CMIP: variants seen among roughly 807,000 people sequenced by gnomAD.
CMIP encodes c-Maf inducing protein.
Under a neutral mutation model 97.3 loss-of-function variants are expected in CMIP, and 13 were observed. The ratio of observed to expected loss-of-function variants is 0.13; its 90% CI spans 0.09 to 0.21. CMIP has a LOEUF of 0.21. Ranked by LOEUF, CMIP falls within the 10% of genes least tolerant of loss-of-function variation. CMIP has a pLI of 1.00. For synonymous variants in CMIP, 538 were observed against 436.3 expected, an observed-to-expected ratio of 1.23 and a Z score of -2.91; for missense variants, 847 against 1,024.9, an observed-to-expected ratio of 0.83 and a Z score of 2.37.
chr16:81,571,626 G>GA (rs1243225052), intron 1 of CMIP, among the ~76,000 whole-genome samples: 7 of 139,210 alleles, frequency 5.0e-5, no homozygotes, highest in South Asian at 2.3e-4. Flanking sequence ...GAAAAGAAAA[G>GA]AAAAAAAAGG....
intron 1 of CMIP, among the ~76,000 whole-genome samples, chr16:81,504,647 A>AAC (rs2089673054): frequency 6.8e-6 from 1 of 147,018 alleles, no homozygotes; most frequent in Non-Finnish European, 1.5e-5. Context: ...GTCTCAAAAA[A>AAC]AAAAAAAAAA....
chr16:81,676,817 C>T (rs906230905), intron 9 of CMIP, among the ~76,000 whole-genome samples: 7 of 152,302 alleles, frequency 4.6e-5, no homozygotes, highest in South Asian at 2.1e-4. Context: ...CCACCCCTTC[C>T]CCCAGCTGCA....
intron 1 of CMIP, among the ~76,000 whole-genome samples, chr16:81,578,492 T>A (rs774406380): frequency 1.3e-5 from 2 of 152,192 alleles, no homozygotes; most frequent in Non-Finnish European, 2.9e-5. Flanking sequence ...GTTCTCCAGA[T>A]GTTTTGTGTC....
intron 1 of CMIP, among the ~76,000 whole-genome samples, chr16:81,517,177 G>A (rs2089932692): frequency 6.7e-6 from 1 of 150,370 alleles, no homozygotes; most frequent in Non-Finnish European, 1.5e-5. Context: ...GGCCTCCAAG[G>A]TCATCAGTGA....
chr16:81,532,368 T>C (rs2090255015), intron 1 of CMIP, among the ~76,000 whole-genome samples: 1 of 152,256 alleles, frequency 6.6e-6, no homozygotes, highest in Non-Finnish European at 1.5e-5. Context: ...GATATAATTG[T>C]CTTTTAGAAG....
At chr16:81,568,382 C>T (rs979689867) in intron 1 of CMIP, among the ~76,000 whole-genome samples, 2 of 152,174 alleles carry the variant, frequency 1.3e-5, no homozygotes, top group Non-Finnish European at 2.9e-5. Context: ...GCTGTGCCCC[C>T]AACCCCCATG....
chr16:81,596,848 A>C (rs930864224), intron 1 of CMIP, among the ~76,000 whole-genome samples: 2 of 152,170 alleles, frequency 1.3e-5, no homozygotes, highest in Non-Finnish European at 2.9e-5. Flanking sequence ...TTCCCACAGC[A>C]CAGACTCAGG....
intron 1 of CMIP, among the ~76,000 whole-genome samples, chr16:81,510,721 T>C (rs1191980233): frequency 6.6e-6 from 1 of 152,178 alleles, no homozygotes; most frequent in Non-Finnish European, 1.5e-5. Context: ...TATTTTGTTT[T>C]GTTTTGTTTT....
chr16:81,460,917 G>C (rs1197584864), intron 1 of CMIP, among the ~76,000 whole-genome samples: 1 of 152,218 alleles, frequency 6.6e-6, no homozygotes, highest in Non-Finnish European at 1.5e-5. Context: ...TTGATGCCCT[G>C]TTGTATGTGA....
In CMIP at chr16:81,703,908, A is replaced by C. The variant is rs1030982176; in HGVS notation, c.1945-31A>C. On this transcript the variant is annotated intron_variant, in intron 17 of 20. Coordinates refer to ENST00000537098, the MANE Select transcript of CMIP (RefSeq NM_198390.3). The stretch of plus-strand genomic sequence containing the variant: ...CAGGGTCTCGGGAACTCCCAGCAGC[A>C]CCCTCAGGCCTCTCCCCCGTCTGCC... 2.5e-6 allele frequency: 4 copies of C among 1,577,346 alleles called. No homozygotes were observed. In the African/African-American group the frequency reaches 5.4e-5, roughly 21 times the overall value.
chr16:81,495,945 C>A (rs544546018), intron 1 of CMIP, among the ~76,000 whole-genome samples: 28 of 152,334 alleles, frequency 1.8e-4, no homozygotes, highest in African/African-American at 6.7e-4. Flanking sequence ...CCAGCTCCCC[C>A]AGCTCCGAGA....
intron 6 of CMIP, 54 bp from the exon 7 acceptor site, chr16:81,664,215 C>T: frequency 6.6e-7 from 1 of 1,519,552 alleles, no homozygotes; most frequent in Non-Finnish European, 8.9e-7. Context: ...CAGCCACGGG[C>T]TGTGTTCAGA....
At chr16:81,608,152 T>C (rs1012513932) in intron 2 of CMIP, among the ~76,000 whole-genome samples, 4 of 152,168 alleles carry the variant, frequency 2.6e-5, no homozygotes, top group Admixed American at 2.6e-4. Context: ...AGCTATCTTT[T>C]TGGGAAAAAA....
At chr16:81,645,348 G>A (rs1597188236) in intron 3 of CMIP, 7 of 1,410,176 alleles carry the variant, frequency 5.0e-6, no homozygotes, top group African/African-American at 2.9e-5. Flanking sequence ...GGGAGCATGC[G>A]TGCTTGGGTG....
In CMIP at chr16:81,614,232, G is replaced by C. The variant is rs898010311; in HGVS notation, c.426+6540G>C. Among the ~76,000 whole-genome samples, 8 of 152,238 alleles carry C rather than the reference G, an allele frequency of 5.3e-5. No individual in the cohort carries two copies. Among genetic ancestry groups the C allele is most frequent in the Non-Finnish European group, 4.4e-5 (3 of 68,038 alleles). ...GTACACGCTGCATGGAAGCCAGTCT[G>C]AGAGCAGGGCAGGCCAGGTGCTGCC... is the stretch of plus-strand genomic sequence containing the variant. On this transcript the variant is annotated intron_variant, in intron 2 of 20. Transcript: ENST00000537098. The surrounding 1 kb of genome is among the most constrained non-coding windows in gnomAD (Gnocchi z 5.3).
chr16:81,691,593 C>G, intron 10 of CMIP, 182 bp from the exon 11 acceptor site: 1 of 635,072 alleles, frequency 1.6e-6, no homozygotes, highest in Middle Eastern at 2.6e-4. Flanking sequence ...AGTTGTGAGT[C>G]CTTGAGGCCA....
At chr16:81,516,311 C>T (rs1159708249) in intron 1 of CMIP, among the ~76,000 whole-genome samples, 1 of 152,216 alleles carries the variant, frequency 6.6e-6, no homozygotes, top group Admixed American at 6.5e-5. Flanking sequence ...CACATGGAAT[C>T]GCGCTTCTCT....
At chr16:81,482,238 C>T (rs1392966228) in intron 1 of CMIP, among the ~76,000 whole-genome samples, 3 of 152,254 alleles carry the variant, frequency 2.0e-5, no homozygotes, top group Non-Finnish European at 2.9e-5. Context: ...TTCAGGGGCA[C>T]CTTCCGTCTC....
intron 1 of CMIP, among the ~76,000 whole-genome samples, chr16:81,545,155 A>G (rs1418757117): frequency 6.6e-6 from 1 of 152,132 alleles, no homozygotes; most frequent in Non-Finnish European, 1.5e-5. Context: ...TACTGGTGCG[A>G]AACTCTCCCA....
Sources: gnomAD v4.1 joint callset for allele counts (sites outside exome capture counted in the v4.1 genomes callset) on GRCh38, gnomAD v4.1.1 for gene constraint, Gnocchi (gnomAD v3.1) non-coding constraint, MANE v1.5 for transcripts, NCBI Gene and HGNC (gene_info 2026-07-23, HGNC 2026-07-21) for gene names.